Variants in RBFOX1 observed in about 807,000 individuals in gnomAD.
RBFOX1 encodes RNA binding protein fox-1 homolog 1.
RBFOX1 carries 8 observed loss-of-function variants against 57.7 expected under a neutral mutation model. The observed-to-expected ratio is 0.14, with a 90% CI of 0.08 to 0.25. RBFOX1 has a LOEUF of 0.25. Ranked by LOEUF, RBFOX1 falls within the 10% of genes least tolerant of loss-of-function variation. The pLI is 1.00. For synonymous variants in RBFOX1, 326 were observed against 222.4 expected, an observed-to-expected ratio of 1.47 and a Z score of -4.15; for missense variants, 611 against 548.5, an observed-to-expected ratio of 1.11 and a Z score of -1.14.
At chr16:6,170,622 T>C (rs1443567633) in intron 1 of RBFOX1, among the ~76,000 whole-genome samples, 1 of 152,122 alleles carries the variant, frequency 6.6e-6, no homozygotes, top group African/African-American at 2.4e-5. Context: ...GGCTCAGGGG[T>C]GCATAAGCAG....
At chr16:7,086,182 A>G (rs955289769) in intron 4 of RBFOX1, among the ~76,000 whole-genome samples, 8 of 152,076 alleles carry the variant, frequency 5.3e-5, no homozygotes, top group East Asian at 3.9e-4. Context: ...CATGCTGCCA[A>G]TGATTCCACA....
At chr16:5,985,601 C>G (rs541000629) in intron 4 of RBFOX1, among the ~76,000 whole-genome samples, 1 of 152,302 alleles carries the variant, frequency 6.6e-6, no homozygotes, top group South Asian at 2.1e-4. Context: ...CAGGACTGCC[C>G]CAGCAGCCCC....
chr16:7,667,710 T>C (rs2069855316), intron 13 of RBFOX1, among the ~76,000 whole-genome samples: 1 of 152,184 alleles, frequency 6.6e-6, no homozygotes. Context: ...TGAGACAGAC[T>C]CACTGTGTCG....
chr16:5,727,372 A>G (rs935736043), intron 3 of RBFOX1, among the ~76,000 whole-genome samples: 3 of 152,222 alleles, frequency 2.0e-5, no homozygotes, highest in Admixed American at 6.5e-5. Flanking sequence ...TGACTGACAA[A>G]TAAAAATTGT....
chr16:7,115,280 ATG>A (rs1384017865), intron 4 of RBFOX1, among the ~76,000 whole-genome samples: 3 of 152,120 alleles, frequency 2.0e-5, no homozygotes, highest in Admixed American at 6.5e-5. Context: ...TCATGGAAAA[ATG>A]TATTTTTGAT....
intron 2 of RBFOX1, among the ~76,000 whole-genome samples, chr16:6,512,843 A>G (rs7200371): frequency 3.8e-4 from 58 of 152,264 alleles, no homozygotes; most frequent in African/African-American, 1.2e-3. Context: ...AAATGATCCA[A>G]TGCTGGCCCA....
chr16:6,372,696 A>G (rs1272181137), intron 2 of RBFOX1, among the ~76,000 whole-genome samples: 81 of 125,924 alleles, frequency 6.4e-4, no homozygotes, highest in Middle Eastern at 0.012. Flanking sequence ...GGATCTTTGG[A>G]TAGGAGGATA....
At chr16:6,503,350 T>C (rs2095995124) in intron 2 of RBFOX1, among the ~76,000 whole-genome samples, 1 of 152,208 alleles carries the variant, frequency 6.6e-6, no homozygotes, top group Non-Finnish European at 1.5e-5. Flanking sequence ...TGGGGAGTCA[T>C]AGCACTCTTG....
intron 3 of RBFOX1, among the ~76,000 whole-genome samples, chr16:6,725,018 T>C (rs1276196798): frequency 6.6e-6 from 1 of 151,716 alleles, no homozygotes; most frequent in African/African-American, 2.4e-5. Flanking sequence ...GAGTCACTTT[T>C]GTTGCCCTCT....
intron 1 of RBFOX1, among the ~76,000 whole-genome samples, chr16:6,048,519 C>T (rs1486961125): frequency 6.6e-6 from 1 of 152,154 alleles, no homozygotes; most frequent in Non-Finnish European, 1.5e-5. Context: ...TCAAATGATG[C>T]ATCGTGGAAA....
intron 1 of RBFOX1, among the ~76,000 whole-genome samples, chr16:6,131,817 C>T (rs2096631668): frequency 6.6e-6 from 1 of 152,134 alleles, no homozygotes; most frequent in Non-Finnish European, 1.5e-5. Flanking sequence ...CTCACATGTG[C>T]TGCTGGTGGT....
intron 4 of RBFOX1, among the ~76,000 whole-genome samples, chr16:7,243,213 A>C (rs535552099): frequency 6.6e-6 from 1 of 152,290 alleles, no homozygotes; most frequent in East Asian, 1.9e-4. Context: ...GCTACGTGCC[A>C]ACAACTACTC....
chr16:5,557,864 C>G (rs776314039), intron 2 of RBFOX1, among the ~76,000 whole-genome samples: 8 of 152,196 alleles, frequency 5.3e-5, no homozygotes, highest in Non-Finnish European at 1.2e-4. Flanking sequence ...CCCGTATAAA[C>G]TCAAGACCTT....
In RBFOX1 at chr16:6,217,332, G is replaced by C. The variant is rs182556097; in HGVS notation, c.-126-99663G>C. On this transcript the variant is annotated intron_variant, in intron 1 of 15. Coordinates refer to ENST00000550418, the MANE Select transcript of RBFOX1 (RefSeq NM_018723.4). Reference sequence around the variant, plus strand: ...TTATTGGAGCATGCATGTGTTTTCTGTATTTTAACTTTTCTGAAAAGAGGG... The same window carrying C: ...TTATTGGAGCATGCATGTGTTTTCTCTATTTTAACTTTTCTGAAAAGAGGG... Among the ~76,000 whole-genome samples the C allele has an allele frequency of 7.9e-5, 12 of 151,822 alleles. No individual in the cohort carries two copies. In the East Asian group the frequency reaches 2.3e-3, roughly 29 times the overall value.
chr16:7,103,071 CAA>C (rs397767938), intron 4 of RBFOX1, among the ~76,000 whole-genome samples: 3 of 146,968 alleles, frequency 2.0e-5, no homozygotes, highest in African/African-American at 7.5e-5. Context: ...ATCTTTGCCT[CAA>C]AAAAAAAAAA....
chr16:5,325,483 C>T (rs1173148562), intron 1 of RBFOX1, among the ~76,000 whole-genome samples: 3 of 151,974 alleles, frequency 2.0e-5, no homozygotes, highest in Non-Finnish European at 4.4e-5. Context: ...TTTGGATGTA[C>T]GGTTCTATGA....
At chr16:6,168,209 G>C (rs1473573891) in intron 1 of RBFOX1, among the ~76,000 whole-genome samples, 1 of 152,168 alleles carries the variant, frequency 6.6e-6, no homozygotes, top group Non-Finnish European at 1.5e-5. Context: ...TAAGAATAAT[G>C]CTCATAATCT....
At chr16:7,567,619 C>CTATATATATA (rs368067278) in intron 5 of RBFOX1, among the ~76,000 whole-genome samples, 1 of 25,122 alleles carries the variant, frequency 4.0e-5, no homozygotes, top group Non-Finnish European at 1.3e-4. Flanking sequence ...TTATATGGCC[C>CTATATATATA]TATATATATA....
At chr16:6,285,161 A>C (rs1451805517) in intron 1 of RBFOX1, among the ~76,000 whole-genome samples, 1 of 152,184 alleles carries the variant, frequency 6.6e-6, no homozygotes, top group Non-Finnish European at 1.5e-5. Flanking sequence ...GAATCTGCTC[A>C]GTGGCCCTGG....
Sources: allele counts gnomAD v4.1 joint callset (sites outside exome capture counted in the v4.1 genomes callset), GRCh38; gene constraint gnomAD v4.1.1; transcripts MANE v1.5; gene names NCBI Gene and HGNC (gene_info 2026-07-23, HGNC 2026-07-21).